ACACA: variants seen among roughly 807,000 people sequenced by gnomAD.
ACACA encodes the protein acetyl-CoA carboxylase 1.
A neutral mutation model predicts 296.1 loss-of-function variants in ACACA; 103 were observed. That is an observed-to-expected ratio of 0.35 (90% CI 0.30 to 0.41). The LOEUF (loss-of-function observed/expected upper bound fraction) is 0.41. ACACA is among the 10% of genes least tolerant of loss of function. The pLI, the probability that ACACA is intolerant of heterozygous loss-of-function variation, is 1.00. For synonymous variants in ACACA, 953 were observed against 1,038.6 expected (o/e 0.92, Z 1.58); for missense variants, 1,554 against 2,989.7 (o/e 0.52, Z 11.20).
intron 10 of ACACA, among the ~76,000 whole-genome samples, chr17:37,265,128 C>T (rs2542655): frequency 0.34 from 51,672 of 151,998 alleles, 11,166 homozygotes; most frequent in African/African-American, 0.6. Context: ...GGTCTAGGCT[C>T]TCGAATTTAT....
At chr17:37,280,152 G>C (rs1365953115) in intron 5 of ACACA, among the ~76,000 whole-genome samples, 1 of 152,002 alleles carries the variant, frequency 6.6e-6, no homozygotes, top group Non-Finnish European at 1.5e-5. Flanking sequence ...TCAATTTTGT[G>C]AGTTTTGTAA....
At chr17:37,174,021 T>TATATATATATATATATATATA (rs1491485396) in intron 41 of ACACA, among the ~76,000 whole-genome samples, 6 of 11,456 alleles carry the variant, frequency 5.2e-4, no homozygotes, top group Non-Finnish European at 7.7e-4. Context: ...TATATATATA[T>TATATATATATATATATATATA]TTTTTTTTTT....
At chr17:37,376,011 G>C (rs189618982) in intron 1 of ACACA, 1 of 1,251,908 alleles carries the variant, frequency 8.0e-7, no homozygotes, top group Non-Finnish European at 1.2e-6. Flanking sequence ...TGCGTGTGGT[G>C]AAAGCAACTA....
chr17:37,395,670 G>A (rs2051056479), intron 1 of ACACA, among the ~76,000 whole-genome samples: 1 of 152,034 alleles, frequency 6.6e-6, no homozygotes, highest in South Asian at 2.1e-4. Context: ...AGCCTCCCAA[G>A]TAGCTGGGAT....
chr17:37,356,436 T>C (rs2049145022), intron 1 of ACACA, among the ~76,000 whole-genome samples: 1 of 152,086 alleles, frequency 6.6e-6, no homozygotes, highest in African/African-American at 2.4e-5. Flanking sequence ...TGGAGTACAG[T>C]GGCGCAATCT....
intron 29 of ACACA, chr17:37,221,403 T>A (rs2079284076): frequency 1.1e-5 from 4 of 377,112 alleles, no homozygotes; most frequent in East Asian, 6.0e-5. Flanking sequence ...TTAAAAAGAG[T>A]GATTTTTCTG....
At chr17:37,342,322 A>T (rs1304677857) in intron 1 of ACACA, among the ~76,000 whole-genome samples, 5 of 144,964 alleles carry the variant, frequency 3.4e-5, no homozygotes, top group African/African-American at 1.3e-4. Flanking sequence ...GAAGGAGAAT[A>T]GCTTGAACCC....
chr17:37,327,012 T>C (rs2047654832), intron 3 of ACACA, among the ~76,000 whole-genome samples: 1 of 152,114 alleles, frequency 6.6e-6, no homozygotes, highest in African/African-American at 2.4e-5. Flanking sequence ...CCATCTTACA[T>C]TATGGCAATT....
intron 1 of ACACA, chr17:37,386,183 C>T (rs1597773072): frequency 3.5e-6 from 4 of 1,146,978 alleles, no homozygotes; most frequent in Non-Finnish European, 5.0e-6. Context: ...AAAATGGGAA[C>T]AGAAAAGAAA....
intron 42 of ACACA, among the ~76,000 whole-genome samples, chr17:37,160,037 A>G (rs1027683608): frequency 7.2e-5 from 11 of 152,268 alleles, no homozygotes; most frequent in African/African-American, 2.7e-4. Context: ...TGACAAAAGC[A>G]GCTTCAGTGG....
In ACACA at chr17:37,097,101, C is replaced by T; in HGVS notation, c.6786G>A (p.Glu2262=). ...TGTGGATTTTCTTCTTGACCAGGTC[C>T]TCCAGCAGAAGACGCCTCAGCCGCC... ...FYWRLRRLLL[E]DLVKKKIHNA... Residue 2262 remains glutamate, a synonymous_variant, in exon 54 of 56, where the codon GAG becomes GAA. Transcript: ENST00000616317. This position sits in a 1 kb window ranked among gnomAD's most constrained non-coding sequence, Gnocchi z 4.8. 1 of 1,614,104 alleles carries T rather than the reference C, an allele frequency of 6.2e-7. No individual in the cohort carries two copies. The highest frequency in any genetic ancestry group is 1.3e-5 in the African/African-American group (1 of 75,026).
At chr17:37,266,431 A>G (rs1033040209) in intron 10 of ACACA, among the ~76,000 whole-genome samples, 6 of 151,938 alleles carry the variant, frequency 3.9e-5, no homozygotes, top group African/African-American at 1.5e-4. Flanking sequence ...CAAAAAAAAA[A>G]AAGATAGTTA....
intron 28 of ACACA, among the ~76,000 whole-genome samples, chr17:37,222,967 A>G (rs2079367529): frequency 6.6e-6 from 1 of 152,212 alleles, no homozygotes; most frequent in African/African-American, 2.4e-5. Flanking sequence ...TGGACAAATC[A>G]CTTAACCTCT....
At chr17:37,316,333 A>ACACACC (rs987022083) in intron 3 of ACACA, among the ~76,000 whole-genome samples, 2,231 of 149,576 alleles carry the variant, frequency 0.015, 50 homozygotes, top group African/African-American at 0.053. Context: ...ACACACACAC[A>ACACACC]CCCCTAACTT....
intron 1 of ACACA, among the ~76,000 whole-genome samples, chr17:37,405,742 C>T (rs931575718): frequency 1.3e-5 from 2 of 151,036 alleles, no homozygotes; most frequent in African/African-American, 4.9e-5. Flanking sequence ...TTAGTAGAGA[C>T]GGGATTTCAC....
intron 3 of ACACA, among the ~76,000 whole-genome samples, chr17:37,292,994 G>A (rs1055640349): frequency 2.0e-5 from 3 of 152,110 alleles, no homozygotes; most frequent in African/African-American, 7.2e-5. Flanking sequence ...CACTAAATCC[G>A]GCTTCATGCT....
chr17:37,305,427 C>A (rs1181943954), intron 3 of ACACA, among the ~76,000 whole-genome samples: 2 of 152,078 alleles, frequency 1.3e-5, no homozygotes, highest in Non-Finnish European at 2.9e-5. Context: ...GTCTGTGTAG[C>A]CAATGATTAG....
At chr17:37,303,772 C>A (rs762935845) in intron 3 of ACACA, among the ~76,000 whole-genome samples, 1 of 152,158 alleles carries the variant, frequency 6.6e-6, no homozygotes, top group Non-Finnish European at 1.5e-5. Flanking sequence ...GCAGGAGAAT[C>A]GCATGAACCC....
intron 1 of ACACA, among the ~76,000 whole-genome samples, chr17:37,403,086 G>C (rs943457286): frequency 6.6e-6 from 1 of 152,164 alleles, no homozygotes; most frequent in African/African-American, 2.4e-5. Context: ...GTCTGTCTAG[G>C]TAAGACACAC....
Sources: gnomAD v4.1 joint callset for allele counts (sites outside exome capture counted in the v4.1 genomes callset) on GRCh38, gnomAD v4.1.1 for gene constraint, Gnocchi (gnomAD v3.1) non-coding constraint, MANE v1.5 for transcripts, NCBI Gene and HGNC (gene_info 2026-07-23, HGNC 2026-07-21) for gene names.